CACNA1H: variants seen among roughly 807,000 people sequenced by gnomAD.
CACNA1H encodes the protein calcium voltage-gated channel subunit alpha1 H, also known as voltage-dependent T-type calcium channel subunit alpha-1H.
In CACNA1H, 149 loss-of-function variants were observed where a neutral mutation model predicts 192.5. The observed-to-expected ratio is 0.77, with a 90% CI of 0.68 to 0.89. CACNA1H has a LOEUF of 0.89. Among genes scored for constraint, CACNA1H ranks in the 40% least tolerant of loss-of-function variants. The pLI, the probability that CACNA1H is intolerant of heterozygous loss-of-function variation, is 0.00. For missense variants in CACNA1H, 4,257 were observed against 3,423.5 expected, an observed-to-expected ratio of 1.24 and a Z score of -6.08; for synonymous variants, 2,202 against 1,475.2, an observed-to-expected ratio of 1.49 and a Z score of -11.29.
Position 1,218,375 on chromosome 16 carries a change from C to A in CACNA1H, c.5611C>A (p.Arg1871=). 1 of 1,561,046 alleles carries A rather than the reference C, an allele frequency of 6.4e-7. No homozygotes were observed. Among genetic ancestry groups the A allele is most frequent in the Non-Finnish European group, 8.7e-7 (1 of 1,153,622 alleles). The change falls in exon 33 of 35, where the codon CGG becomes AGG. Residue 1871 remains arginine, a synonymous_variant. Transcript: ENST00000348261. ...KHLEESNKEA[R]EDAELDAEIE... The stretch of plus-strand genomic sequence containing the variant: ...CCTGGAGGAGAGCAACAAGGAGGCA[C>A]GGGAGGATGCGGAGCTGGACGCCGA...
intron 2 of CACNA1H, among the ~76,000 whole-genome samples, chr16:1,173,527 C>T (rs1198565239): frequency 6.6e-6 from 1 of 152,232 alleles, no homozygotes; most frequent in Non-Finnish European, 1.5e-5. Context: ...AACTTAACCA[C>T]AATAATAAGC....
At chr16:1,172,464 G>A (rs1033370152) in intron 2 of CACNA1H, among the ~76,000 whole-genome samples, 3 of 150,998 alleles carry the variant, frequency 2.0e-5, no homozygotes, top group Admixed American at 6.6e-5. Flanking sequence ...GCCCGCCTCC[G>A]TCTGGGGTGG....
chr16:1,202,156 C>A lies in CACNA1H; in HGVS notation c.1706C>A (p.Ala569Glu). ...TCCCCAGGCCGCGGACCCCCCGACGCAGAGTCTGTGCACAGCATCTACCAT... is the reference window on the plus strand; with the variant it reads ...TCCCCAGGCCGCGGACCCCCCGACGAAGAGTCTGTGCACAGCATCTACCAT... The part of the protein sequence containing the change: ...PPSPGRGPPD[A>E]ESVHSIYHAD... The change falls in exon 9 of 35, where the codon GCA (alanine) becomes GAA (glutamate). Residue 569 changes from alanine to glutamate, a missense_variant. Coordinates refer to ENST00000348261, the MANE Select transcript of CACNA1H (RefSeq NM_021098.3). The A allele has an allele frequency of 6.4e-7, 1 of 1,550,992 alleles. No homozygotes were observed. The highest frequency in any genetic ancestry group is 8.7e-7 in the Non-Finnish European group (1 of 1,147,742).
At chr16:1,196,461 C>A (rs1310248732) in intron 5 of CACNA1H, among the ~76,000 whole-genome samples, 2 of 152,206 alleles carry the variant, frequency 1.3e-5, no homozygotes, top group African/African-American at 4.8e-5. Context: ...TTCACACCCA[C>A]ACAAGTGAGG....
intron 28 of CACNA1H, 29 bp from the exon 29 acceptor site, chr16:1,215,213 A>C (rs1356411327): frequency 3.8e-6 from 6 of 1,590,786 alleles, no homozygotes; most frequent in Non-Finnish European, 5.1e-6. Context: ...GGGACCCCAG[A>C]CGTGTGCGCT....
At chr16:1,183,277 GT>G (rs1596345726) in intron 2 of CACNA1H, among the ~76,000 whole-genome samples, 1 of 152,128 alleles carries the variant, frequency 6.6e-6, no homozygotes, top group Non-Finnish European at 1.5e-5. Flanking sequence ...CGTTCCCCCA[GT>G]TTTCCCCCAG....
intron 6 of CACNA1H, chr16:1,198,997 C>T: frequency 3.5e-6 from 2 of 563,652 alleles, no homozygotes; most frequent in South Asian, 2.0e-5. Flanking sequence ...CATGGCTCCG[C>T]CCACGGTGCA....
rs146298263 is a variant in CACNA1H, at chr16:1,170,266, G to A, written c.299+16230G>A. Among the ~76,000 whole-genome samples the A allele has an allele frequency of 2.7e-3, 406 of 152,318 alleles. 3 individuals carry two copies. The highest frequency in any genetic ancestry group is 9.0e-3 in the African/African-American group (373 of 41,580). On this transcript the variant is annotated intron_variant, in intron 2 of 34. Transcript: ENST00000348261. ...GTGCAGAGCCTTCTTTGTGAGGGGC[G>A]GGCCCCTCCCCACGCCTTCGGGCCT...
intron 6 of CACNA1H, 131 bp from the exon 7 acceptor site, chr16:1,200,122 CATG>C: frequency 1.4e-6 from 1 of 720,686 alleles, no homozygotes; most frequent in South Asian, 1.9e-5. Context: ...CCTCCCTAAC[CATG>C]ATTAGTCCAC....
chr16:1,170,885 ACC>A (rs1449262024), intron 2 of CACNA1H, among the ~76,000 whole-genome samples: 1 of 151,846 alleles, frequency 6.6e-6, no homozygotes, highest in Non-Finnish European at 1.5e-5. Context: ...CAAGGCGCCA[ACC>A]CCGCATTGTC....
At position 1,166,870 on chromosome 16, in the gene CACNA1H, C is replaced by T. The variant is rs1353587519; in HGVS notation, c.299+12834C>T. On this transcript the variant is annotated intron_variant, in intron 2 of 34. Coordinates refer to ENST00000348261, the MANE Select transcript of CACNA1H (RefSeq NM_021098.3). The stretch of plus-strand genomic sequence containing the variant: ...TTTCACCCTTTGCTGCTGTTCATGG[C>T]GCTGCCGGGCCGTCCCTGCTCCAGG... 3.3e-5 allele frequency among the ~76,000 whole-genome samples: 5 copies of T among 152,320 alleles called. No individual in the cohort carries two copies. The East Asian group carries it at 7.7e-4, about 23-fold the overall frequency.
At chr16:1,199,905 C>T (rs1163663923) in intron 6 of CACNA1H, among the ~76,000 whole-genome samples, 2 of 152,080 alleles carry the variant, frequency 1.3e-5, no homozygotes, top group Admixed American at 6.5e-5. Context: ...GGGTTTCTGG[C>T]TCTTGGGTCT....
rs968963336 is a variant in CACNA1H at position 1,153,269 on chromosome 16, C to CGAGCCG, written c.-210_-205dup. The CGAGCCG allele has an allele frequency of 2.1e-5, 3 of 144,288 alleles. No homozygotes were observed. Among genetic ancestry groups the CGAGCCG allele is most frequent in the Non-Finnish European group, 4.6e-5 (3 of 64,918 alleles). 8.9% of individuals were successfully genotyped at this position (144,288 alleles called of 1,614,324 possible). A position where few individuals can be genotyped will look rare whatever the true frequency, so the allele number is the denominator to read the frequency against. ...GGCCGCCGCCGTCGCCTCCGCCGGG[C>CGAGCCG]GAGCCGGAGCCGGAGTCGAGCCGCG... On this transcript the variant is annotated 5_prime_UTR_variant, in exon 1 of 35. Transcript: ENST00000348261.
In CACNA1H at chr16:1,219,491, T is replaced by G. The variant is rs531627873; in HGVS notation, c.6048+361T>G. 2.0e-5 allele frequency among the ~76,000 whole-genome samples: 3 copies of G among 152,138 alleles called. No individual in the cohort carries two copies. In the South Asian group the frequency reaches 6.2e-4, roughly 32 times the overall value. On this transcript the variant is annotated intron_variant, in intron 34 of 34. Transcript: ENST00000348261. ...AGATGGCAGTTTCTCAGGCCCCATG[T>G]GGGCATGGGTCCCGTGGTGGGCAGA...
At chr16:1,193,074 G>A (rs1201220380) in intron 2 of CACNA1H, among the ~76,000 whole-genome samples, 4 of 152,154 alleles carry the variant, frequency 2.6e-5, no homozygotes, top group Non-Finnish European at 4.4e-5. Context: ...GTAGAGTGCC[G>A]TGGGGGCTCA....
intron 2 of CACNA1H, among the ~76,000 whole-genome samples, chr16:1,181,864 AC>A (rs1965503192): frequency 6.6e-6 from 1 of 152,016 alleles, no homozygotes; most frequent in South Asian, 2.1e-4. Flanking sequence ...ACACACCCAC[AC>A]CCGGACACGC....
chr16:1,199,501 A>G lies in CACNA1H; in HGVS notation c.803+727A>G, dbSNP rs1195122154. Among the ~76,000 whole-genome samples the G allele has an allele frequency of 1.4e-5, 2 of 145,022 alleles. 1 individual carries two copies. Among genetic ancestry groups the G allele is most frequent in the African/African-American group, 5.2e-5 (2 of 38,124 alleles). On this transcript the variant is annotated intron_variant, in intron 6 of 34. Coordinates refer to ENST00000348261, the MANE Select transcript of CACNA1H (RefSeq NM_021098.3). Reference sequence around the variant, plus strand: ...TCCACCCACCGTGCGGTCATTGCACATATGTCCCACCCCCAGTGCTGCCAC... The same window carrying G: ...TCCACCCACCGTGCGGTCATTGCACGTATGTCCCACCCCCAGTGCTGCCAC...
At position 1,215,090 on chromosome 16, in the gene CACNA1H, G is replaced by A. The variant is rs1334800380; in HGVS notation, c.5039+9G>A. 3.1e-6 allele frequency: 5 copies of A among 1,607,396 alleles called. No homozygotes were observed. Among genetic ancestry groups the A allele is most frequent in the Non-Finnish European group, 3.4e-6 (4 of 1,176,364 alleles). Reference sequence around the variant, plus strand: ...CGGTTCTTCAAGGACAGGTGTGTGTGGTGGGGCCGTCTTGGGTTCTGGGGG... The same window carrying A: ...CGGTTCTTCAAGGACAGGTGTGTGTAGTGGGGCCGTCTTGGGTTCTGGGGG... On this transcript the variant is annotated intron_variant, in intron 28 of 34. Coordinates refer to ENST00000348261, the MANE Select transcript of CACNA1H (RefSeq NM_021098.3).
In CACNA1H at chr16:1,210,963, G is replaced by T; in HGVS notation, c.4215G>T (p.Arg1405=). Residue 1405 remains arginine, a synonymous_variant, in exon 21 of 35, where the codon CGG becomes CGT. Transcript: ENST00000348261. ...LRVLRLLRTL[R]PLRVISRAPG... is the part of the protein sequence containing the mutation. ...TGCTGCGTCTGCTGCGGACCCTGCG[G>T]CCTCTGAGGTGGGGGGCTCCCCGTG... is the stretch of plus-strand genomic sequence containing the variant. The T allele has an allele frequency of 6.3e-7, 1 of 1,595,848 alleles. No individual in the cohort carries two copies. The highest frequency in any genetic ancestry group is 8.5e-7 in the Non-Finnish European group (1 of 1,176,744).
Sources: allele counts gnomAD v4.1 joint callset (sites outside exome capture counted in the v4.1 genomes callset), GRCh38; gene constraint gnomAD v4.1.1; transcripts MANE v1.5; gene names NCBI Gene and HGNC (gene_info 2026-07-23, HGNC 2026-07-21).